The following RBFOX1 variants were observed in gnomAD, a reference collection of about 807,000 sequenced individuals.
RBFOX1 encodes the protein RNA binding fox-1 homolog 1, also known as RNA binding protein fox-1 homolog 1.
RBFOX1 carries 8 observed loss-of-function variants against 57.7 expected under a neutral mutation model. The ratio of observed to expected loss-of-function variants is 0.14; its 90% CI spans 0.08 to 0.25. The LOEUF (loss-of-function observed/expected upper bound fraction) is 0.25, where lower values mean the gene tolerates loss of function less well. Among genes scored for constraint, RBFOX1 ranks in the 10% least tolerant of loss-of-function variants. The pLI, the probability that RBFOX1 is intolerant of heterozygous loss-of-function variation, is 1.00. For synonymous variants in RBFOX1, 326 were observed against 222.4 expected (o/e 1.47, Z -4.15); for missense variants, 611 against 548.5 (o/e 1.11, Z -1.14).
chr16:7,236,621 A>G (rs368544547), intron 4 of RBFOX1, among the ~76,000 whole-genome samples: 1 of 152,204 alleles, frequency 6.6e-6, no homozygotes, highest in Admixed American at 6.5e-5. Context: ...ATTGTAGTCA[A>G]CTTCCCAAAT....
intron 1 of RBFOX1, among the ~76,000 whole-genome samples, chr16:5,433,064 C>T (rs913378337): frequency 3.9e-5 from 6 of 152,142 alleles, no homozygotes; most frequent in Admixed American, 2.6e-4. Context: ...GGATGGAAAA[C>T]GCAGGAGACC....
chr16:6,077,707 T>TATTTATTTATTCATTC (rs1158266835), intron 1 of RBFOX1, among the ~76,000 whole-genome samples: 1 of 151,708 alleles, frequency 6.6e-6, no homozygotes, highest in Admixed American at 6.6e-5. Context: ...TTTATTTATT[T>TATTTATTTATTCATTC]ATTCATTTAT....
At chr16:6,747,788 C>T (rs2074070621) in intron 3 of RBFOX1, among the ~76,000 whole-genome samples, 1 of 152,076 alleles carries the variant, frequency 6.6e-6, no homozygotes, top group African/African-American at 2.4e-5. Context: ...TCTACATGCT[C>T]ATAGATGTCT....
At chr16:5,580,606 C>A (rs1482448298) in intron 2 of RBFOX1, among the ~76,000 whole-genome samples, 1 of 152,192 alleles carries the variant, frequency 6.6e-6, no homozygotes, top group Non-Finnish European at 1.5e-5. Flanking sequence ...GAGGCTTCAG[C>A]CTTCAAACAT....
At chr16:6,177,187 T>C (rs1188570611) in intron 1 of RBFOX1, among the ~76,000 whole-genome samples, 1 of 117,002 alleles carries the variant, frequency 8.5e-6, no homozygotes, top group Non-Finnish European at 1.8e-5. Context: ...TTCTTGTTTG[T>C]TTTTTTTTTT....
chr16:6,734,591 C>T (rs1456067322), intron 3 of RBFOX1, among the ~76,000 whole-genome samples: 2 of 152,066 alleles, frequency 1.3e-5, no homozygotes, highest in African/African-American at 4.8e-5. Flanking sequence ...CTTAACTACT[C>T]TCCTAAACTC....
At chr16:6,967,078 T>C (rs1001678453) in intron 3 of RBFOX1, among the ~76,000 whole-genome samples, 1 of 152,176 alleles carries the variant, frequency 6.6e-6, no homozygotes, top group Non-Finnish European at 1.5e-5. Context: ...TATACATTCA[T>C]CCACCCATCA....
intron 4 of RBFOX1, among the ~76,000 whole-genome samples, chr16:7,197,248 A>G (rs1256594680): frequency 2.0e-5 from 3 of 152,128 alleles, no homozygotes; most frequent in Admixed American, 6.6e-5. Flanking sequence ...AAGAAAATGA[A>G]TAAGGAAAAC....
At chr16:6,271,471 A>T (rs1380789500) in intron 1 of RBFOX1, among the ~76,000 whole-genome samples, 1 of 152,144 alleles carries the variant, frequency 6.6e-6, no homozygotes, top group African/African-American at 2.4e-5. Flanking sequence ...ATGAGAGCAG[A>T]AATCGATGAA....
chr16:6,920,008 C>T (rs1395888736), intron 3 of RBFOX1, among the ~76,000 whole-genome samples: 1 of 152,036 alleles, frequency 6.6e-6, no homozygotes, highest in Non-Finnish European at 1.5e-5. Flanking sequence ...AAGCTTAGCT[C>T]TCCCTTATAA....
intron 4 of RBFOX1, among the ~76,000 whole-genome samples, chr16:7,201,496 T>C (rs894752845): frequency 6.6e-6 from 1 of 151,760 alleles, no homozygotes; most frequent in Non-Finnish European, 1.5e-5. Context: ...AGTTTTGCTC[T>C]TGTCGCCCAG....
upstream of RBFOX1, among the ~76,000 whole-genome samples, chr16:6,015,541 T>G (rs541722578): frequency 1.4e-4 from 22 of 152,328 alleles, no homozygotes; most frequent in Admixed American, 1.2e-3. Flanking sequence ...ATATCTTTAG[T>G]TCCAGCTTCT....
At chr16:6,261,590 C>A (rs935883612) in intron 1 of RBFOX1, among the ~76,000 whole-genome samples, 6 of 152,210 alleles carry the variant, frequency 3.9e-5, no homozygotes, top group Non-Finnish European at 8.8e-5. Flanking sequence ...TCAAGCTTCA[C>A]CAGTTTCATC....
At chr16:7,382,078 T>C (rs2097789846) in intron 4 of RBFOX1, among the ~76,000 whole-genome samples, 1 of 152,252 alleles carries the variant, frequency 6.6e-6, no homozygotes, top group East Asian at 1.9e-4. Context: ...GGTTCTGGAT[T>C]ACTGCCTAAA....
intron 4 of RBFOX1, among the ~76,000 whole-genome samples, chr16:5,997,742 TA>T (rs2060515613): frequency 5.3e-5 from 8 of 152,246 alleles, no homozygotes; most frequent in Admixed American, 5.2e-4. Flanking sequence ...CTCATTCCCG[TA>T]AAAGTTTCTG....
In RBFOX1 at chr16:7,597,388, A is replaced by G; in HGVS notation, c.579A>G (p.Ala193=). The change falls in exon 9 of 16, where the codon GCA becomes GCG. Residue 193 remains alanine (A), a synonymous_variant. Transcript: ENST00000550418. ...GRKIEVNNAT[A]RVMTNKKTVN... is the part of the protein sequence containing the mutation. ...GTACATAGGTAAATAATGCCACAGC[A>G]CGTGTAATGACAAATAAAAAGACCG... is the stretch of plus-strand genomic sequence containing the variant. 2 of 1,611,282 alleles carry G rather than the reference A, an allele frequency of 1.2e-6. No homozygotes were observed. Among genetic ancestry groups the G allele is most frequent in the Non-Finnish European group, 1.7e-6 (2 of 1,178,494 alleles).
chr16:6,314,852 A>C (rs1194344606), intron 1 of RBFOX1, among the ~76,000 whole-genome samples: 1 of 152,224 alleles, frequency 6.6e-6, no homozygotes, highest in Non-Finnish European at 1.5e-5. Flanking sequence ...GAAGAGAACC[A>C]TGTATTTTGA....
intron 1 of RBFOX1, among the ~76,000 whole-genome samples, chr16:6,267,998 A>G (rs944206164): frequency 6.6e-6 from 1 of 152,208 alleles, no homozygotes; most frequent in Non-Finnish European, 1.5e-5. Context: ...CAAGGAAGCT[A>G]TGACTTTGTT....
At chr16:6,319,045 C>G (rs2081445321) in intron 2 of RBFOX1, among the ~76,000 whole-genome samples, 1 of 151,982 alleles carries the variant, frequency 6.6e-6, no homozygotes, top group African/African-American at 2.4e-5. Context: ...GATTTGACAT[C>G]TAAGCTGGCC....
Sources: gnomAD v4.1 joint callset for allele counts (sites outside exome capture counted in the v4.1 genomes callset) on GRCh38, gnomAD v4.1.1 for gene constraint, MANE v1.5 for transcripts, NCBI Gene and HGNC (gene_info 2026-07-23, HGNC 2026-07-21) for gene names.